The following CMTM8 variants were observed in gnomAD, a reference collection of about 807,000 sequenced individuals.
The protein encoded by CMTM8 is CKLF-like MARVEL transmembrane domain-containing protein 8.
CMTM8 carries 12 observed loss-of-function variants against 18.6 expected under a neutral mutation model. That is an observed-to-expected ratio of 0.65 (90% CI 0.41 to 1.05). The LOEUF (loss-of-function observed/expected upper bound fraction) is 1.05, where lower values mean the gene tolerates loss of function less well. CMTM8 is among the 50% of genes least tolerant of loss of function. The pLI, the probability that CMTM8 is intolerant of heterozygous loss-of-function variation, is 0.00. For missense variants in CMTM8, 217 were observed against 227.2 expected, an observed-to-expected ratio of 0.95 and a Z score of 0.29; for synonymous variants, 87 against 90.6, an observed-to-expected ratio of 0.96 and a Z score of 0.23.
chr3:32,289,909 T>C (rs1292505543), intron 1 of CMTM8, among the ~76,000 whole-genome samples: 1 of 152,132 alleles, frequency 6.6e-6, no homozygotes, highest in Admixed American at 6.5e-5. Context: ...GGCCGGTAGA[T>C]TGCTCGAGCT....
chr3:32,258,161 T>A (rs1009107911), intron 1 of CMTM8, among the ~76,000 whole-genome samples: 64 of 152,270 alleles, frequency 4.2e-4, no homozygotes, highest in African/African-American at 1.5e-3. Flanking sequence ...TGGAGGACTG[T>A]TTTTTTCAGT....
At chr3:32,291,006 C>G (rs865948408) in intron 1 of CMTM8, among the ~76,000 whole-genome samples, 1 of 152,288 alleles carries the variant, frequency 6.6e-6, no homozygotes, top group Middle Eastern at 3.4e-3. Flanking sequence ...CCTCAGCCTC[C>G]CACAGTGCTG....
At chr3:32,240,849 A>G (rs1701938214) in intron 1 of CMTM8, among the ~76,000 whole-genome samples, 1 of 152,050 alleles carries the variant, frequency 6.6e-6, no homozygotes, top group Non-Finnish European at 1.5e-5. Flanking sequence ...GTGCGGTGGC[A>G]CCATCATGGT....
intron 1 of CMTM8, among the ~76,000 whole-genome samples, chr3:32,318,965 C>T (rs965554849): frequency 1.4e-5 from 2 of 148,122 alleles, no homozygotes; most frequent in African/African-American, 2.5e-5. Flanking sequence ...CATATCATTT[C>T]GTCCATAAAT....
At chr3:32,279,190 T>A (rs1264887295) in intron 1 of CMTM8, among the ~76,000 whole-genome samples, 3 of 150,002 alleles carry the variant, frequency 2.0e-5, no homozygotes, top group Non-Finnish European at 4.4e-5. Context: ...ATTTTTTTTT[T>A]ATTATACTTT....
At chr3:32,321,345 C>T (rs1006601199) in intron 1 of CMTM8, among the ~76,000 whole-genome samples, 4 of 152,050 alleles carry the variant, frequency 2.6e-5, no homozygotes, top group South Asian at 2.1e-4. Context: ...CGGGTGTGCA[C>T]GTGCGACGGG....
In CMTM8 at chr3:32,259,490, C is replaced by G. The variant is rs896093435; in HGVS notation, c.147+20371C>G. 1.8e-5 allele frequency: 14 copies of G among 779,732 alleles called. No homozygotes were observed. The African/African-American group carries it at 2.2e-4, about 12-fold the overall frequency. 48.3% of individuals were successfully genotyped at this position (779,732 alleles called of 1,614,324 possible). A position where few individuals can be genotyped will look rare whatever the true frequency, so the allele number is the denominator to read the frequency against. ...GTCTTTGGAGAATGACATTCATGGG[C>G]TCTTCAAGGTCATTGATGACACCAA... On this transcript the variant is annotated intron_variant, in intron 1 of 3. Transcript: ENST00000307526.
intron 1 of CMTM8, among the ~76,000 whole-genome samples, chr3:32,324,208 C>G (rs567370334): frequency 6.6e-6 from 1 of 152,168 alleles, no homozygotes; most frequent in Non-Finnish European, 1.5e-5. Flanking sequence ...ACCTATTACC[C>G]CATTTATTTA....
intron 1 of CMTM8, among the ~76,000 whole-genome samples, chr3:32,265,208 G>A (rs1464662569): frequency 6.6e-6 from 1 of 152,170 alleles, no homozygotes; most frequent in Non-Finnish European, 1.5e-5. Context: ...TGGAAGTAAA[G>A]CACTCCTCAG....
chr3:32,266,558 C>G (rs1702349612), intron 1 of CMTM8, among the ~76,000 whole-genome samples: 1 of 152,186 alleles, frequency 6.6e-6, no homozygotes. Flanking sequence ...CAGGGATGCC[C>G]TCTCTCACCA....
At chr3:32,308,588 G>C (rs1695760668) in intron 1 of CMTM8, among the ~76,000 whole-genome samples, 2 of 152,126 alleles carry the variant, frequency 1.3e-5, no homozygotes, top group African/African-American at 4.8e-5. Flanking sequence ...ACCTCTCTGT[G>C]TCTCAGTTTC....
chr3:32,253,463 G>T (rs1270099480), intron 1 of CMTM8, among the ~76,000 whole-genome samples: 1 of 150,824 alleles, frequency 6.6e-6, no homozygotes, highest in Non-Finnish European at 1.5e-5. Context: ...TCCTGCCTCA[G>T]CCTCCCTAGT....
chr3:32,323,076 G>C (rs1331211487), intron 1 of CMTM8, among the ~76,000 whole-genome samples: 1 of 152,158 alleles, frequency 6.6e-6, no homozygotes, highest in East Asian at 1.9e-4. Context: ...GGAGGACCAG[G>C]GATGCTGCAG....
chr3:32,325,763 T>A (rs754628492), intron 1 of CMTM8, among the ~76,000 whole-genome samples: 13 of 152,264 alleles, frequency 8.5e-5, no homozygotes, highest in Non-Finnish European at 1.9e-4. Flanking sequence ...CCCACATTTT[T>A]GAATAAAACT....
chr3:32,370,062 A>G lies in CMTM8; in HGVS notation c.*95A>G. The G allele has an allele frequency of 1.5e-6, 1 of 654,882 alleles. No homozygotes were observed. Among genetic ancestry groups the G allele is most frequent in the Non-Finnish European group, 2.5e-6 (1 of 396,506 alleles). 40.6% of individuals were successfully genotyped at this position (654,882 alleles called of 1,614,324 possible). A position where few individuals can be genotyped will look rare whatever the true frequency, so the allele number is the denominator to read the frequency against. On this transcript the variant is annotated 3_prime_UTR_variant, in exon 4 of 4. Coordinates refer to ENST00000307526, the MANE Select transcript of CMTM8 (RefSeq NM_178868.5). ...TGTATATTCCCAGAGAATTGTATTT[A>G]ACTAATTAATGTTTTTTATATTCTT...
chr3:32,282,486 A>T (rs1016748607), intron 1 of CMTM8, among the ~76,000 whole-genome samples: 5 of 151,900 alleles, frequency 3.3e-5, no homozygotes, highest in African/African-American at 4.8e-5. Flanking sequence ...GAAAAAAATT[A>T]AAAAAATATA....
At chr3:32,244,740 T>C (rs1701988679) in intron 1 of CMTM8, among the ~76,000 whole-genome samples, 1 of 152,206 alleles carries the variant, frequency 6.6e-6, no homozygotes, top group Admixed American at 6.5e-5. Flanking sequence ...TTTCTAGGGT[T>C]TACTAGCATA....
At chr3:32,356,318 TG>T (rs1232709516) in intron 1 of CMTM8, among the ~76,000 whole-genome samples, 1 of 152,224 alleles carries the variant, frequency 6.6e-6, no homozygotes, top group Non-Finnish European at 1.5e-5. Flanking sequence ...TGCTGTGTCC[TG>T]GGCATGTGGT....
intron 1 of CMTM8, among the ~76,000 whole-genome samples, chr3:32,318,983 T>C (rs1214237821): frequency 2.0e-5 from 3 of 149,716 alleles, no homozygotes; most frequent in Non-Finnish European, 4.4e-5. Context: ...AATATTTTCA[T>C]AGGTAGCCCT....
Sources: allele counts gnomAD v4.1 joint callset (sites outside exome capture counted in the v4.1 genomes callset), GRCh38; gene constraint gnomAD v4.1.1; transcripts MANE v1.5; gene names NCBI Gene and HGNC (gene_info 2026-07-23, HGNC 2026-07-21).